PCDHGA1: variants seen among roughly 807,000 people sequenced by gnomAD.
PCDHGA1 encodes the protein protocadherin gamma-A1.
In PCDHGA1, 32 loss-of-function variants were observed where a neutral mutation model predicts 58.0. That is an observed-to-expected ratio of 0.55 (90% CI 0.42 to 0.74). The LOEUF is 0.74. PCDHGA1 is among the 30% of genes least tolerant of loss of function. The pLI is 0.00. For missense variants in PCDHGA1, 1,205 were observed against 1,182.3 expected, an observed-to-expected ratio of 1.02 and a Z score of -0.28; for synonymous variants, 498 against 501.1, an observed-to-expected ratio of 0.99 and a Z score of 0.08.
Position 141,477,902 on chromosome 5 carries a change from T to A in PCDHGA1, c.2422-16905T>A. ...CCACCTAGTGTCACGGGTGGTAGGC[T>A]GGGACGCGGATGCAGGGCACAATGC... On this transcript the variant is annotated intron_variant, in intron 1 of 3. Transcript: ENST00000517417. The surrounding 1 kb of genome is among the most constrained non-coding windows in gnomAD (Gnocchi z 4.9). The A allele has an allele frequency of 6.2e-7, 1 of 1,614,176 alleles. No homozygotes were observed. Among genetic ancestry groups the A allele is most frequent in the Non-Finnish European group, 8.5e-7 (1 of 1,180,028 alleles).
chr5:141,415,740 G>GTTTT lies in PCDHGA1; in HGVS notation c.2422-79038_2422-79035dup, dbSNP rs57426385. ...TGAGTAGAATTTGATGTTTATTAAG[G>GTTTT]TTTTTTTTTTTTTTTTTTTTTTTTT... On this transcript the variant is annotated intron_variant, in intron 1 of 3. Transcript: ENST00000517417. 3.9e-3 allele frequency: 2,454 copies of GTTTT among 623,032 alleles called. 15 individuals carry two copies. Among genetic ancestry groups the GTTTT allele is most frequent in the South Asian group, 7.6e-3 (262 of 34,698 alleles). 38.6% of individuals were successfully genotyped at this position (623,032 alleles called of 1,614,324 possible).
intron 1 of PCDHGA1, among the ~76,000 whole-genome samples, chr5:141,456,736 G>A (rs1339661302): frequency 1.3e-5 from 2 of 151,924 alleles, no homozygotes; most frequent in Non-Finnish European, 2.9e-5. Context: ...AGGCTGAGGC[G>A]GGAGCATCAT....
At chr5:141,339,782 G>A (rs1030624939) in intron 1 of PCDHGA1, 1 of 1,614,230 alleles carries the variant, frequency 6.2e-7, no homozygotes, top group Non-Finnish European at 8.5e-7. Flanking sequence ...TGACGCAGAT[G>A]AGGGCTACTA....
chr5:141,361,548 C>T (rs374369531), intron 1 of PCDHGA1: 4 of 1,614,094 alleles, frequency 2.5e-6, no homozygotes, highest in African/African-American at 1.3e-5. Context: ...GCGCCTCTAT[C>T]GCTCAAATCA....
rs779183487 is a variant in PCDHGA1, at chr5:141,430,845, C to T, written c.2422-63962C>T. ...GGGACTCTGTGGGAGACCGGATGCA[C>T]CCAGATACGCTATTCAGTTCCGGAA... On this transcript the variant is annotated intron_variant, in intron 1 of 3. Coordinates refer to ENST00000517417, the MANE Select transcript of PCDHGA1 (RefSeq NM_018912.3). 27 of 1,575,514 alleles carry T rather than the reference C, an allele frequency of 1.7e-5. No individual in the cohort carries two copies. In the African/African-American group the frequency reaches 3.7e-4, roughly 21 times the overall value.
Position 141,333,066 on chromosome 5 carries a change from C to G in PCDHGA1, c.2382C>G (p.Pro794=), listed in dbSNP as rs761030222. 3.7e-6 allele frequency: 6 copies of G among 1,614,180 alleles called. No homozygotes were observed. In the South Asian group the frequency reaches 6.6e-5, roughly 18 times the overall value. ...SCEKKGFLSA[P]QSLLEDKKEP... is the part of the protein sequence containing the mutation. ...AGAAAAAGGGTTTTCTATCAGCACC[C>G]CAGTCTTTACTTGAAGACAAAAAGG... The change falls in exon 1 of 4, where the codon CCC becomes CCG. Residue 794 remains proline (P), a synonymous_variant. Coordinates refer to ENST00000517417, the MANE Select transcript of PCDHGA1 (RefSeq NM_018912.3).
At chr5:141,506,084 C>T (rs1426222889) in intron 3 of PCDHGA1, among the ~76,000 whole-genome samples, 8 of 152,068 alleles carry the variant, frequency 5.3e-5, no homozygotes, top group African/African-American at 1.9e-4. Flanking sequence ...AATAGAGATT[C>T]GGCTAGTGGT....
intron 1 of PCDHGA1, chr5:141,388,504 C>T: frequency 1.2e-6 from 2 of 1,613,808 alleles, no homozygotes; most frequent in Non-Finnish European, 1.7e-6. Context: ...AAGCAGAAAT[C>T]CTACCACTTG....
At chr5:141,417,789 C>G in intron 1 of PCDHGA1, 1 of 1,477,596 alleles carries the variant, frequency 6.8e-7, no homozygotes, top group Non-Finnish European at 9.0e-7. Context: ...GGGCCGAATG[C>G]TCTTTTAGCG....
intron 1 of PCDHGA1, chr5:141,351,067 C>T (rs544825241): frequency 2.5e-6 from 4 of 1,614,008 alleles, no homozygotes; most frequent in East Asian, 4.5e-5. Context: ...AGGATGAGGG[C>T]ATTAATGCAG....
chr5:141,398,686 G>T (rs2093688431), intron 1 of PCDHGA1: 6 of 1,613,920 alleles, frequency 3.7e-6, no homozygotes, highest in Non-Finnish European at 5.1e-6. Context: ...GGAGAAACAG[G>T]ATGGTAGTAA....
chr5:141,506,216 T>A (rs2237080), intron 3 of PCDHGA1, among the ~76,000 whole-genome samples: 78,167 of 151,604 alleles, frequency 0.52, 20,820 homozygotes, highest in African/African-American at 0.63. Flanking sequence ...TTTGGGAAGC[T>A]GAGGCAGGAG....
chr5:141,357,585 G>C lies in PCDHGA1; in HGVS notation c.2421+24480G>C, dbSNP rs778650217. ...AAAGCGAGCCTCTTCTGATAACTCA[G>C]GATTTACTTGAAACAAAAGGAGACC... On this transcript the variant is annotated intron_variant, in intron 1 of 3. Transcript: ENST00000517417. 7.4e-6 allele frequency: 12 copies of C among 1,614,146 alleles called. No individual in the cohort carries two copies. In the South Asian group the frequency reaches 7.7e-5, roughly 10 times the overall value.
chr5:141,394,616 C>A, intron 1 of PCDHGA1: 1 of 1,613,490 alleles, frequency 6.2e-7, no homozygotes, highest in African/African-American at 1.3e-5. Flanking sequence ...CGGGCCAGAA[C>A]GCCTGGCTGT....
chr5:141,511,391 C>G lies in PCDHGA1; in HGVS notation c.*218C>G. ...TGCAAAAGCAGTTCCGCTGGGAACC[C>G]CCATCCAATCAACTGCTGTACCCAT... is the stretch of plus-strand genomic sequence containing the variant. On this transcript the variant is annotated 3_prime_UTR_variant, in exon 4 of 4. Coordinates refer to ENST00000517417, the MANE Select transcript of PCDHGA1 (RefSeq NM_018912.3). 2.8e-6 allele frequency: 3 copies of G among 1,079,748 alleles called. No homozygotes were observed. The highest frequency in any genetic ancestry group is 3.3e-5 in the South Asian group (2 of 60,136). The allele number at this position is 1,079,748 out of a possible 1,614,324, so 66.9% of individuals were successfully genotyped here. A position where few individuals can be genotyped will look rare whatever the true frequency, so the allele number is the denominator to read the frequency against.
chr5:141,395,185 T>C, intron 1 of PCDHGA1: 1 of 1,614,158 alleles, frequency 6.2e-7, no homozygotes, highest in Non-Finnish European at 8.5e-7. Context: ...AATGATTCTT[T>C]GTTAACATCC....
chr5:141,486,894 C>T lies in PCDHGA1; in HGVS notation c.2422-7913C>T. 1 of 1,614,228 alleles carries T rather than the reference C, an allele frequency of 6.2e-7. No homozygotes were observed. Among genetic ancestry groups the T allele is most frequent in the Non-Finnish European group, 8.5e-7 (1 of 1,180,052 alleles). On this transcript the variant is annotated intron_variant, in intron 1 of 3. Transcript: ENST00000517417. The surrounding 1 kb of genome is among the most constrained non-coding windows in gnomAD (Gnocchi z 5.0). ...CTCCGTCCTCGGGCCCGGCCTGGTT[C>T]CTTATGTCCCCAAGCACTGCCTCCA...
chr5:141,457,891 T>C (rs2154566084), intron 1 of PCDHGA1, among the ~76,000 whole-genome samples: 1 of 152,346 alleles, frequency 6.6e-6, no homozygotes, highest in South Asian at 2.1e-4. Context: ...GTGTGGGGAC[T>C]GTGTAGACAA....
Position 141,476,790 on chromosome 5 carries a change from C to T in PCDHGA1, c.2422-18017C>T. ...TTGGACGGAGGGACCCCAGCTCTCT[C>T]CGCCAGCCTGCCTATTCACATCAAG... On this transcript the variant is annotated intron_variant, in intron 1 of 3. Coordinates refer to ENST00000517417, the MANE Select transcript of PCDHGA1 (RefSeq NM_018912.3). This position sits in a 1 kb window ranked among gnomAD's most constrained non-coding sequence, Gnocchi z 7.6. 1 of 1,613,606 alleles carries T rather than the reference C, an allele frequency of 6.2e-7. No homozygotes were observed. Among genetic ancestry groups the T allele is most frequent in the South Asian group, 1.1e-5 (1 of 91,084 alleles).
Sources: allele counts gnomAD v4.1 joint callset (sites outside exome capture counted in the v4.1 genomes callset), GRCh38; gene constraint gnomAD v4.1.1; non-coding constraint Gnocchi (gnomAD v3.1); transcripts MANE v1.5; gene names NCBI Gene and HGNC (gene_info 2026-07-23, HGNC 2026-07-21).